Variants in MAP3K21 observed in about 807,000 individuals in gnomAD.
MAP3K21 encodes the protein mitogen-activated protein kinase kinase kinase MLK4.
Under a neutral mutation model 86.1 loss-of-function variants are expected in MAP3K21, and 63 were observed. That is an observed-to-expected ratio of 0.73 (90% CI 0.60 to 0.90). The LOEUF (loss-of-function observed/expected upper bound fraction) is 0.90. Among genes scored for constraint, MAP3K21 ranks in the 40% least tolerant of loss-of-function variants. The probability of loss-of-function intolerance (pLI) is 0.00; values close to 1 mark genes in which losing one functional copy is unlikely to be tolerated. For synonymous variants in MAP3K21, 558 were observed against 564.8 expected, an observed-to-expected ratio of 0.99 and a Z score of 0.17; for missense variants, 1,220 against 1,367.7, an observed-to-expected ratio of 0.89 and a Z score of 1.70.
In MAP3K21 at chr1:233,328,111, C is replaced by T. The variant is rs1052899035; in HGVS notation, c.83C>T (p.Ser28Leu). The change falls in exon 1 of 10, where the codon TCG becomes TTG. Residue 28 changes from serine (S) to leucine (L), a missense_variant. Ser to Leu is a moderately radical substitution (Grantham distance 145). Around this residue, in one of 5 missense-constraint regions of MAP3K21, gnomAD observed 369 missense variants for 385.3 expected, o/e 0.96. Coordinates refer to ENST00000366624, the MANE Select transcript of MAP3K21 (RefSeq NM_032435.3). This position sits in a 1 kb window ranked among gnomAD's most constrained non-coding sequence, Gnocchi z 8.7. ...GGAPGGSASS[S>L]STSSGGSASA... Reference sequence around the variant, plus strand: ...GCCCCCGGCGGCTCAGCGTCCTCGTCGTCCACCTCCTCGGGCGGCTCGGCC... The same window carrying T: ...GCCCCCGGCGGCTCAGCGTCCTCGTTGTCCACCTCCTCGGGCGGCTCGGCC... The T allele has an allele frequency of 2.8e-5, 39 of 1,391,578 alleles. No individual in the cohort carries two copies. The highest frequency in any genetic ancestry group is 3.1e-5 in the East Asian group (1 of 32,362). 86.2% of individuals were successfully genotyped at this position (1,391,578 alleles called of 1,614,324 possible). A position where few individuals can be genotyped will look rare whatever the true frequency, so the allele number is the denominator to read the frequency against.
chr1:233,345,058 C>T (rs186169645), intron 1 of MAP3K21, among the ~76,000 whole-genome samples: 23 of 152,164 alleles, frequency 1.5e-4, no homozygotes, highest in East Asian at 3.9e-4. Flanking sequence ...GTTAGAAGGG[C>T]GACCATTAAA....
rs1046280555 is a variant in MAP3K21 at position 233,383,946 on chromosome 1, A to G, written c.*1235A>G. 6.6e-6 allele frequency: 1 copy of G among 152,222 alleles called. No individual in the cohort carries two copies. Among genetic ancestry groups the G allele is most frequent in the Non-Finnish European group, 1.5e-5 (1 of 68,032 alleles). 9.4% of individuals were successfully genotyped at this position (152,222 alleles called of 1,614,324 possible). A position where few individuals can be genotyped will look rare whatever the true frequency, so the allele number is the denominator to read the frequency against. ...GAATCACTTTTATGGTCATACATATATGATACAAATCCAGAGTTATTGGTG... is the reference window on the plus strand; with the variant it reads ...GAATCACTTTTATGGTCATACATATGTGATACAAATCCAGAGTTATTGGTG... On this transcript the variant is annotated 3_prime_UTR_variant, in exon 10 of 10. Transcript: ENST00000366624.
chr1:233,372,151 G>A lies in MAP3K21; in HGVS notation c.1666G>A (p.Ala556Thr). ...CCCCACAATGATGCCCCGACTCCGA[G>A]CCATACAGTGTGAGCTTTCTGCACT... Reference protein sequence around the residue: ...SSPTMMPRLRAIQLTSDESNK... With the variant: ...SSPTMMPRLRTIQLTSDESNK... The change falls in exon 6 of 10, where the codon GCC becomes ACC. Residue 556 changes from alanine (A) to threonine (T), a missense_variant. By Grantham distance (58) the Ala-to-Thr change is moderately conservative (BLOSUM62 0). Coordinates refer to ENST00000366624, the MANE Select transcript of MAP3K21 (RefSeq NM_032435.3). The A allele has an allele frequency of 6.2e-7, 1 of 1,614,128 alleles. No homozygotes were observed. The highest frequency in any genetic ancestry group is 8.5e-7 in the Non-Finnish European group (1 of 1,180,014).
In MAP3K21 at chr1:233,362,038, G is replaced by A; in HGVS notation, c.1312-15G>A. 6.2e-7 allele frequency: 1 copy of A among 1,609,572 alleles called. No individual in the cohort carries two copies. Among genetic ancestry groups the A allele is most frequent in the Non-Finnish European group, 8.5e-7 (1 of 1,178,176 alleles). On this transcript the variant is annotated splice_polypyrimidine_tract_variant and intron_variant, in intron 4 of 9. Coordinates refer to ENST00000366624, the MANE Select transcript of MAP3K21 (RefSeq NM_032435.3). The stretch of plus-strand genomic sequence containing the variant: ...TGCTGGGAATGATTCCGGTGGGTGT[G>A]AATCTGTGTCGCAGGAGCTGCGATC...
intron 4 of MAP3K21, among the ~76,000 whole-genome samples, 195 bp from the exon 5 acceptor site, chr1:233,361,858 G>C (rs1663470930): frequency 6.6e-6 from 1 of 152,212 alleles, no homozygotes; most frequent in South Asian, 2.1e-4. Context: ...TTTCGGCTTG[G>C]ATTGTCCTGA....
intron 3 of MAP3K21, 45 bp from the exon 4 acceptor site, chr1:233,354,791 A>ATGTCTTGGGGATAATCTG: frequency 1.0e-5 from 15 of 1,429,568 alleles, no homozygotes; most frequent in Middle Eastern, 1.7e-4. Context: ...AGCAACTCTA[A>ATGTCTTGGGGATAATCTG]ACTGCGTTGA....
At chr1:233,348,348 G>A (rs1184736777) in intron 2 of MAP3K21, among the ~76,000 whole-genome samples, 1 of 152,202 alleles carries the variant, frequency 6.6e-6, no homozygotes, top group East Asian at 1.9e-4. Context: ...TAATCATAGA[G>A]TATTACTGTA....
intron 5 of MAP3K21, 67 bp downstream of exon 5, chr1:233,362,360 T>C: frequency 6.4e-7 from 1 of 1,552,380 alleles, no homozygotes; most frequent in Non-Finnish European, 8.8e-7. Context: ...TTTTCTTTGT[T>C]CATCAGAACC....
chr1:233,359,342 C>T (rs1292479207), intron 4 of MAP3K21, among the ~76,000 whole-genome samples: 1 of 152,028 alleles, frequency 6.6e-6, no homozygotes, highest in African/African-American at 2.4e-5. Context: ...TGCATTGTTC[C>T]TTGAAATACA....
At position 233,382,752 on chromosome 1, in the gene MAP3K21, A is replaced by G. The variant is rs757299897; in HGVS notation, c.*41A>G. 9.2e-6 allele frequency: 14 copies of G among 1,525,896 alleles called. No homozygotes were observed. The Admixed American group carries it at 1.2e-4, about 13-fold the overall frequency. The allele number at this position is 1,525,896 out of a possible 1,614,324, so 94.5% of individuals were successfully genotyped here. A position where few individuals can be genotyped will look rare whatever the true frequency, so the allele number is the denominator to read the frequency against. On this transcript the variant is annotated 3_prime_UTR_variant, in exon 10 of 10. Coordinates refer to ENST00000366624, the MANE Select transcript of MAP3K21 (RefSeq NM_032435.3). ...GTTGTTTAAGCATTTTTTTAAGGTG[A>G]ACAAATGAACACAATGTATCTACCT... is the stretch of plus-strand genomic sequence containing the variant.
At chr1:233,355,146 G>A in intron 4 of MAP3K21, 135 bp downstream of exon 4, 4 of 659,990 alleles carry the variant, frequency 6.1e-6, no homozygotes, top group South Asian at 2.6e-5. Context: ...CCTTCTTTCA[G>A]GTTAAAAATA....
rs1662738235 is a variant in MAP3K21, at chr1:233,328,403, G to C, written c.375G>C (p.Glu125Asp). The change falls in exon 1 of 10, where the codon GAG becomes GAC. Residue 125 changes from glutamate (E) to aspartate (D), a missense_variant. This residue lies in a region of MAP3K21 where 369 missense variants were observed against 385.3 expected (regional missense o/e 0.96). Transcript: ENST00000366624. This position sits in a 1 kb window ranked among gnomAD's most constrained non-coding sequence, Gnocchi z 8.7. ...TACACGTCGCCTTCGAGCGGCTGGA[G>C]CTGAAGGAGCTCATCGGCGCTGGGG... The part of the protein sequence containing the change: ...SPVHVAFERL[E>D]LKELIGAGGF... 1 of 1,490,712 alleles carries C rather than the reference G, an allele frequency of 6.7e-7. No homozygotes were observed. The highest frequency in any genetic ancestry group is 1.3e-5 in the South Asian group (1 of 79,532). The allele number at this position is 1,490,712 out of a possible 1,614,324, so 92.3% of individuals were successfully genotyped here.
rs73094924 is a variant in MAP3K21, at chr1:233,360,051, C to T, written c.1312-2002C>T. ...AAATGTTTTTTTATTCAATTACTAT[C>T]GTAGCAACACACAACCTACTTGGAT... On this transcript the variant is annotated intron_variant, in intron 4 of 9. Coordinates refer to ENST00000366624, the MANE Select transcript of MAP3K21 (RefSeq NM_032435.3). Among the ~76,000 whole-genome samples, 892 of 152,296 alleles carry T rather than the reference C, an allele frequency of 5.9e-3. 11 individuals carry two copies. Among genetic ancestry groups the T allele is most frequent in the African/African-American group, 0.021 (862 of 41,552 alleles).
In MAP3K21 at chr1:233,345,726, TATAATAATA is replaced by T. The variant is rs72300159; in HGVS notation, c.806-687_806-679del. On this transcript the variant is annotated intron_variant, in intron 1 of 9. Coordinates refer to ENST00000366624, the MANE Select transcript of MAP3K21 (RefSeq NM_032435.3). ...TGCACATGTACCCTAGAACTCAAAGTATAATAATAATAATAATAATAATAATAATAATAA... is the reference window on the plus strand; with the variant it reads ...TGCACATGTACCCTAGAACTCAAAGTATAATAATAATAATAATAATAATAA... Among the ~76,000 whole-genome samples the T allele has an allele frequency of 7.6e-3, 1,107 of 146,304 alleles. 7 individuals are homozygous for T. Among genetic ancestry groups the T allele is most frequent in the African/African-American group, 0.013 (542 of 40,204 alleles).
At chr1:233,377,701 C>T (rs1477045297) in intron 8 of MAP3K21, among the ~76,000 whole-genome samples, 1 of 152,132 alleles carries the variant, frequency 6.6e-6, no homozygotes, top group East Asian at 1.9e-4. Flanking sequence ...CAGGATGATC[C>T]AAGCGCATTA....
At chr1:233,335,568 G>A (rs1424135005) in intron 1 of MAP3K21, among the ~76,000 whole-genome samples, 1 of 151,822 alleles carries the variant, frequency 6.6e-6, no homozygotes, top group Non-Finnish European at 1.5e-5. Context: ...TAACTGACTT[G>A]ATCAAAGTCA....
Position 233,379,441 on chromosome 1 carries a change from T to A in MAP3K21, c.2435T>A (p.Leu812Gln), listed in dbSNP as rs940875680. Residue 812 changes from leucine (L) to glutamine (Q), a missense_variant, in exon 9 of 10, where the codon CTG becomes CAG. Leu to Gln is a moderately radical substitution (Grantham distance 113). Around this residue, in one of 5 missense-constraint regions of MAP3K21, gnomAD observed 632 missense variants for 691.3 expected, o/e 0.91. Coordinates refer to ENST00000366624, the MANE Select transcript of MAP3K21 (RefSeq NM_032435.3). ...LSTPSFSTKCLLQMDSEDPLV... is the reference protein window; with the variant it reads ...LSTPSFSTKCQLQMDSEDPLV... ...ACACCTTCTTTCTCCACAAAGTGCCTGCTGCAGATGGACAGTGAAGATCCA... is the reference window on the plus strand; with the variant it reads ...ACACCTTCTTTCTCCACAAAGTGCCAGCTGCAGATGGACAGTGAAGATCCA... The A allele has an allele frequency of 6.2e-7, 1 of 1,614,068 alleles. No homozygotes were observed. Among genetic ancestry groups the A allele is most frequent in the African/African-American group, 1.3e-5 (1 of 74,926 alleles).
chr1:233,330,907 A>C (rs907009110), intron 1 of MAP3K21, among the ~76,000 whole-genome samples: 3 of 152,236 alleles, frequency 2.0e-5, no homozygotes, highest in Non-Finnish European at 4.4e-5. Context: ...ATCAATCAAC[A>C]ATCCATAGCA....
In MAP3K21 at chr1:233,379,063, C is replaced by T; in HGVS notation, c.2057C>T (p.Ala686Val). ...KDAQRENPAE[A>V]ESWEEAASAN... ...GCTCAGAGAGAGAATCCTGCAGAAG[C>T]TGAAAGCTGGGAGGAGGCAGCCTCT... The change falls in exon 9 of 10, where the codon GCT becomes GTT. Residue 686 changes from alanine (A) to valine (V), a missense_variant. This residue lies in a region of MAP3K21 where 632 missense variants were observed against 691.3 expected (regional missense o/e 0.91). Coordinates refer to ENST00000366624, the MANE Select transcript of MAP3K21 (RefSeq NM_032435.3). The T allele has an allele frequency of 1.9e-6, 3 of 1,614,216 alleles. No individual in the cohort carries two copies. The highest frequency in any genetic ancestry group is 2.5e-6 in the Non-Finnish European group (3 of 1,180,040).
Sources: gnomAD v4.1 joint callset for allele counts (sites outside exome capture counted in the v4.1 genomes callset) on GRCh38, gnomAD v4.1.1 for gene constraint, gnomAD v4.1.1 regional missense constraint, Gnocchi (gnomAD v3.1) non-coding constraint, MANE v1.5 for transcripts, NCBI Gene and HGNC (gene_info 2026-07-23, HGNC 2026-07-21) for gene names.